The following PCDH18 variants were observed in gnomAD, a reference collection of about 807,000 sequenced individuals.
PCDH18 encodes the protein protocadherin 18, also known as protocadherin-18.
Under a neutral mutation model 71.5 loss-of-function variants are expected in PCDH18, and 38 were observed. The ratio of observed to expected loss-of-function variants is 0.53; its 90% CI spans 0.41 to 0.70. PCDH18 has a LOEUF of 0.70. PCDH18 is among the 30% of genes least tolerant of loss of function. The pLI is 0.00. For synonymous variants in PCDH18, 565 were observed against 505.4 expected (o/e 1.12, Z -1.58); for missense variants, 1,334 against 1,384.6 (o/e 0.96, Z 0.58).
intron 3 of PCDH18, among the ~76,000 whole-genome samples, chr4:137,526,745 T>G (rs932390599): frequency 6.6e-6 from 1 of 151,940 alleles, no homozygotes. Context: ...CATTTAATAG[T>G]TATGGGGTAT....
chr4:137,530,242 A>G lies in PCDH18; in HGVS notation c.1847T>C (p.Leu616Pro), dbSNP rs1731623053. Reference sequence around the variant, plus strand: ...ATTACCTGCTACTATGGCGCAGCTGAGTTCAGCATTCACACCAGAGTCTCT... The same window carrying G: ...ATTACCTGCTACTATGGCGCAGCTGGGTTCAGCATTCACACCAGAGTCTCT... ...IDRDSGVNAELSCAIVAGNEE... is the reference protein window; with the variant it reads ...IDRDSGVNAEPSCAIVAGNEE... Residue 616 changes from leucine (L) to proline (P), a missense_variant, in exon 1 of 4, where the codon CTC becomes CCC. Around this residue, in one of 3 missense-constraint regions of PCDH18, gnomAD observed 1,011 missense variants for 1,048.0 expected, o/e 0.96. Transcript: ENST00000344876. The G allele has an allele frequency of 6.2e-7, 1 of 1,614,006 alleles. No individual in the cohort carries two copies. The highest frequency in any genetic ancestry group is 1.3e-5 in the African/African-American group (1 of 74,920).
Position 137,521,433 on chromosome 4 carries a change from A to T in PCDH18, c.3004T>A (p.Ser1002Thr). ...NDEDTGDTSTSSLLSEMSSVF... is the reference protein window; with the variant it reads ...NDEDTGDTSTTSLLSEMSSVF... ...CTGCTCATTTCCGAGAGCAGAGATG[A>T]TGTGCTGGTATCCCCAGTGTCCTCA... Residue 1002 changes from serine (S) to threonine (T), a missense_variant, in exon 4 of 4, where the codon TCA becomes ACA. Around this residue, in one of 3 missense-constraint regions of PCDH18, gnomAD observed 319 missense variants for 316.3 expected, o/e 1.01. Transcript: ENST00000344876. 1.2e-6 allele frequency: 2 copies of T among 1,614,196 alleles called. No homozygotes were observed.
chr4:137,520,960 G>T lies in PCDH18; in HGVS notation c.*69C>A. The T allele has an allele frequency of 8.8e-7, 1 of 1,134,312 alleles. No homozygotes were observed. The highest frequency in any genetic ancestry group is 1.5e-5 in the South Asian group (1 of 64,566). The allele number at this position is 1,134,312 out of a possible 1,614,324, so 70.3% of individuals were successfully genotyped here. On this transcript the variant is annotated 3_prime_UTR_variant, in exon 4 of 4. Transcript: ENST00000344876. ...TATTTGGCAATGCCAGTTCTTTCAG[G>T]GTTTTTTGTTGTTGTTGTTGTTCCC... is the stretch of plus-strand genomic sequence containing the variant.
chr4:137,529,649 G>A lies in PCDH18; in HGVS notation c.2440C>T (p.Pro814Ser). ...SLVTISSNHV[P>S]ENFSLELTHA... is the part of the protein sequence containing the mutation. Reference sequence around the variant, plus strand: ...GTGAGTTCTAATGAGAAATTCTCTGGCACGTGGTTTGATGAGATTGTCACC... The same window carrying A: ...GTGAGTTCTAATGAGAAATTCTCTGACACGTGGTTTGATGAGATTGTCACC... The change falls in exon 1 of 4, where the codon CCA (proline) becomes TCA (serine). Residue 814 changes from proline to serine, a missense_variant. Pro to Ser is a moderately conservative substitution (Grantham distance 74). Transcript: ENST00000344876. The A allele has an allele frequency of 6.2e-7, 1 of 1,612,974 alleles. No individual in the cohort carries two copies. Among genetic ancestry groups the A allele is most frequent in the South Asian group, 1.1e-5 (1 of 90,954 alleles).
rs371797687 is a variant in PCDH18, at chr4:137,528,471, C to G, written c.2740+7G>C. ...AAAATAAAGATTTTCTATCACTACC[C>G]TCTTACCTGCTGGAATTCTTCCATC... is the stretch of plus-strand genomic sequence containing the variant. On this transcript the variant is annotated splice_region_variant and intron_variant, in intron 3 of 3. Transcript: ENST00000344876. The G allele has an allele frequency of 3.7e-6, 6 of 1,613,094 alleles. No homozygotes were observed. The highest frequency in any genetic ancestry group is 5.1e-6 in the Non-Finnish European group (6 of 1,179,178).
At position 137,532,040 on chromosome 4, in the gene PCDH18, G is replaced by C. The variant is rs781353859; in HGVS notation, c.49C>G (p.Leu17Val). Reference sequence around the variant, plus strand: ...ACATCGTGGTTGAAAGATACTATCAGAAGTGCAAAAACAAACCTAAAGTGC... The same window carrying C: ...ACATCGTGGTTGAAAGATACTATCACAAGTGCAAAAACAAACCTAAAGTGC... ...KMHFRFVFAL[L>V]IVSFNHDVLG... The change falls in exon 1 of 4, where the codon CTG becomes GTG. Residue 17 changes from leucine to valine, a missense_variant. Transcript: ENST00000344876. The C allele has an allele frequency of 3.1e-6, 5 of 1,612,570 alleles. No homozygotes were observed. Among genetic ancestry groups the C allele is most frequent in the Non-Finnish European group, 4.2e-6 (5 of 1,179,454 alleles).
In PCDH18 at chr4:137,530,678, C is replaced by T. The variant is rs1003743117; in HGVS notation, c.1411G>A (p.Glu471Lys). 1.2e-6 allele frequency: 2 copies of T among 1,612,662 alleles called. No individual in the cohort carries two copies. Among genetic ancestry groups the T allele is most frequent in the East Asian group, 2.2e-5 (1 of 44,878 alleles). Residue 471 changes from glutamate to lysine, a missense_variant, in exon 1 of 4, where the codon GAA becomes AAA. Glu to Lys is a moderately conservative substitution (Grantham distance 56, BLOSUM62 1). This residue lies in a region of PCDH18 where 1,011 missense variants were observed against 1,048.0 expected (regional missense o/e 0.96). Coordinates refer to ENST00000344876, the MANE Select transcript of PCDH18 (RefSeq NM_019035.5). ...GAGTTATTTTCTGAAATTACAAATT[C>T]ATATCGGCTTCTCTGGAAGTGGGGT... ...NPPHFQRSRY[E>K]FVISENNSPG...
chr4:137,526,928 T>C (rs1267720238), intron 3 of PCDH18, among the ~76,000 whole-genome samples: 1 of 148,350 alleles, frequency 6.7e-6, no homozygotes, highest in Admixed American at 6.8e-5. Flanking sequence ...ATGCATTTTC[T>C]AACCTTTATA....
At chr4:137,526,087 T>C (rs75442097) in intron 3 of PCDH18, among the ~76,000 whole-genome samples, 2,483 of 151,684 alleles carry the variant, frequency 0.016, 50 homozygotes, top group African/African-American at 0.058. Context: ...TAGAAAACTT[T>C]CTTGCCACAA....
Position 137,528,547 on chromosome 4 carries a change from A to G in PCDH18, c.2671T>C (p.Ser891Pro). ...TCACCCAACAGCCTATCTATTGGAG[A>G]ATCTCGCCCCAAATCATAATCACTG... is the stretch of plus-strand genomic sequence containing the variant. ...GDSDYDLGRDSPIDRLLGEGF... is the reference protein window; with the variant it reads ...GDSDYDLGRDPPIDRLLGEGF... The change falls in exon 3 of 4, where the codon TCT becomes CCT. Residue 891 changes from serine to proline, a missense_variant. By Grantham distance (74) the Ser-to-Pro change is moderately conservative. This residue lies in a region of PCDH18 where 319 missense variants were observed against 316.3 expected (regional missense o/e 1.01). Transcript: ENST00000344876. The G allele has an allele frequency of 6.2e-7, 1 of 1,613,956 alleles. No homozygotes were observed. Among genetic ancestry groups the G allele is most frequent in the Non-Finnish European group, 8.5e-7 (1 of 1,179,902 alleles).
Position 137,521,041 on chromosome 4 carries a change from G to A in PCDH18, c.3396C>T (p.Val1132=). The A allele has an allele frequency of 6.3e-7, 1 of 1,587,074 alleles. No individual in the cohort carries two copies. Among genetic ancestry groups the A allele is most frequent in the Non-Finnish European group, 8.6e-7 (1 of 1,161,546 alleles). ...TCGCTAAAATCTCCTAGCTCTGGCG[G>A]ACATCTTGAAGCAGTTTGTTAATCT... is the stretch of plus-strand genomic sequence containing the variant. ...VAEINKLLQD[V]RQS is the part of the protein sequence containing the mutation. Residue 1132 remains valine (V), a synonymous_variant, in exon 4 of 4, where the codon GTC becomes GTT. Coordinates refer to ENST00000344876, the MANE Select transcript of PCDH18 (RefSeq NM_019035.5).
rs1336165604 is a variant in PCDH18 at position 137,531,276 on chromosome 4, C to G, written c.813G>C (p.Thr271=). 6.2e-7 allele frequency: 1 copy of G among 1,613,982 alleles called. No individual in the cohort carries two copies. The highest frequency in any genetic ancestry group is 8.5e-7 in the Non-Finnish European group (1 of 1,179,916). The change falls in exon 1 of 4, where the codon ACG becomes ACC. Residue 271 remains threonine (T), a synonymous_variant. Transcript: ENST00000344876. ...TCCCATTAGCGCCCTCATCTGGATC[C>G]GTGGCATTCAGATCTAAGAGCAAAG... ...VGTLLLDLNA[T]DPDEGANGKI...
intron 3 of PCDH18, among the ~76,000 whole-genome samples, chr4:137,525,606 T>C (rs969178242): frequency 6.6e-6 from 1 of 152,180 alleles, no homozygotes; most frequent in Non-Finnish European, 1.5e-5. Flanking sequence ...TTTGTATAGA[T>C]ACACAGTATG....
chr4:137,528,291 A>T (rs1731537739), intron 3 of PCDH18, among the ~76,000 whole-genome samples, 187 bp downstream of exon 3: 1 of 152,200 alleles, frequency 6.6e-6, no homozygotes, highest in African/African-American at 2.4e-5. Context: ...GAAATTTAAG[A>T]AAACAGTGTT....
chr4:137,531,655 T>G lies in PCDH18; in HGVS notation c.434A>C (p.Glu145Ala). ...PQFSRSLIPI[E>A]ISESAAVGTR... ...CCCAACTGCTGCACTCTCAGATATC[T>G]CAATAGGTATGAGAGATCTTGAAAA... is the stretch of plus-strand genomic sequence containing the variant. The change falls in exon 1 of 4, where the codon GAG (glutamate) becomes GCG (alanine). Residue 145 changes from glutamate to alanine, a missense_variant. Transcript: ENST00000344876. 2 of 1,614,080 alleles carry G rather than the reference T, an allele frequency of 1.2e-6. No homozygotes were observed. The highest frequency in any genetic ancestry group is 1.7e-6 in the Non-Finnish European group (2 of 1,179,936).
chr4:137,528,427 T>A (rs781543991), intron 3 of PCDH18, 51 bp downstream of exon 3: 1 of 1,450,092 alleles, frequency 6.9e-7, no homozygotes, highest in Admixed American at 2.0e-5. Flanking sequence ...TTCATTTTAC[T>A]GGTGTCACGG....
chr4:137,530,580 G>A lies in PCDH18; in HGVS notation c.1509C>T (p.Thr503=). Residue 503 remains threonine (T), a synonymous_variant, in exon 1 of 4, where the codon ACC becomes ACT. Transcript: ENST00000344876. ...TTCCTAGAATAAAACTCTCCAAGAT[G>A]GTGTATGTCACTTGCCCATTTTCTC... The part of the protein sequence containing the change: ...DLGENGQVTY[T]ILESFILGSS... 11 of 1,614,038 alleles carry A rather than the reference G, an allele frequency of 6.8e-6. No homozygotes were observed. Among genetic ancestry groups the A allele is most frequent in the Non-Finnish European group, 9.3e-6 (11 of 1,179,970 alleles).
chr4:137,521,002 G>A lies in PCDH18; in HGVS notation c.*27C>T, dbSNP rs1731273272. ...GTTGTTCCCTATTTCCATATACATG[G>A]AAACAAAAATGCTTCGCTAAAATCT... On this transcript the variant is annotated 3_prime_UTR_variant, in exon 4 of 4. Coordinates refer to ENST00000344876, the MANE Select transcript of PCDH18 (RefSeq NM_019035.5). The A allele has an allele frequency of 6.6e-7, 1 of 1,520,198 alleles. No individual in the cohort carries two copies. The highest frequency in any genetic ancestry group is 8.9e-7 in the Non-Finnish European group (1 of 1,127,092). 94.2% of individuals were successfully genotyped at this position (1,520,198 alleles called of 1,614,324 possible). A position where few individuals can be genotyped will look rare whatever the true frequency, so the allele number is the denominator to read the frequency against.
At position 137,532,316 on chromosome 4, in the gene PCDH18, C is replaced by T. The variant is rs769674512; in HGVS notation, c.-228G>A. On this transcript the variant is annotated 5_prime_UTR_variant, in exon 1 of 4. Transcript: ENST00000344876. ...CAGTCCTTGCGTTTGTTTGGTCGTT[C>T]GTCCTCTTTCCAGGCAGGAGAGTGT... 2.8e-5 allele frequency: 20 copies of T among 702,620 alleles called. No homozygotes were observed. The highest frequency in any genetic ancestry group is 2.3e-4 in the Middle Eastern group (1 of 4,390). 43.5% of individuals were successfully genotyped at this position (702,620 alleles called of 1,614,324 possible). A position where few individuals can be genotyped will look rare whatever the true frequency, so the allele number is the denominator to read the frequency against.
Sources: allele counts gnomAD v4.1 joint callset (sites outside exome capture counted in the v4.1 genomes callset), GRCh38; gene constraint gnomAD v4.1.1; regional missense constraint gnomAD v4.1.1; transcripts MANE v1.5; gene names NCBI Gene and HGNC (gene_info 2026-07-23, HGNC 2026-07-21).